Variants in FAR2 observed in about 807,000 individuals in gnomAD.
The protein encoded by FAR2 is fatty acyl-CoA reductase 2.
In FAR2, 19 loss-of-function variants were observed where a neutral mutation model predicts 56.0. The ratio of observed to expected loss-of-function variants is 0.34; its 90% CI spans 0.24 to 0.50. The LOEUF (loss-of-function observed/expected upper bound fraction) is 0.50. Among genes scored for constraint, FAR2 ranks in the 20% least tolerant of loss-of-function variants. The pLI, the probability that FAR2 is intolerant of heterozygous loss-of-function variation, is 0.98. For missense variants in FAR2, 508 were observed against 642.2 expected, an observed-to-expected ratio of 0.79 and a Z score of 2.26; for synonymous variants, 219 against 218.8, an observed-to-expected ratio of 1.00 and a Z score of -0.01.
intron 6 of FAR2, 114 bp from the exon 7 acceptor site, chr12:29,310,914 A>G (rs113573148): frequency 2.6e-6 from 2 of 771,276 alleles, no homozygotes; most frequent in African/African-American, 1.7e-5. Context: ...GCAGTGGATC[A>G]ATGTTAGCTG....
At chr12:29,298,179 T>C (rs1033843110) in intron 4 of FAR2, among the ~76,000 whole-genome samples, 2 of 152,098 alleles carry the variant, frequency 1.3e-5, no homozygotes, top group African/African-American at 4.8e-5. Flanking sequence ...TCTAGGATTT[T>C]TCTCTTCTTG....
chr12:29,185,869 C>T (rs957325353), intron 1 of FAR2, among the ~76,000 whole-genome samples: 15 of 152,114 alleles, frequency 9.9e-5, no homozygotes, highest in Admixed American at 7.9e-4. Flanking sequence ...CCCCATCCTA[C>T]GCGCCAACCT....
intron 1 of FAR2, among the ~76,000 whole-genome samples, chr12:29,190,090 G>A (rs921993832): frequency 3.9e-5 from 6 of 152,292 alleles, no homozygotes; most frequent in Admixed American, 2.0e-4. Flanking sequence ...TAGGGAAGGC[G>A]CAGCTTTGGA....
chr12:29,307,661 G>C lies in FAR2; in HGVS notation c.549G>C (p.Trp183Cys). ...TTCTCTTTACTCTACCTTTTAGGTG[G>C]TTAGACGATGCTATTATTGACGAGA... ...EPKKIIDSLE[W>C]LDDAIIDEIT... The change falls in exon 5 of 12, where the codon TGG (tryptophan) becomes TGC (cysteine). Residue 183 changes from tryptophan (W) to cysteine (C), a missense_variant. By Grantham distance (215) the Trp-to-Cys change is radical. Transcript: ENST00000536681. 5 of 1,608,600 alleles carry C rather than the reference G, an allele frequency of 3.1e-6. No individual in the cohort carries two copies. Among genetic ancestry groups the C allele is most frequent in the Non-Finnish European group, 4.2e-6 (5 of 1,177,892 alleles).
At chr12:29,210,387 C>G (rs1217957950) in intron 1 of FAR2, among the ~76,000 whole-genome samples, 3 of 152,148 alleles carry the variant, frequency 2.0e-5, no homozygotes, top group Non-Finnish European at 4.4e-5. Context: ...TATTTCAAGA[C>G]TGATTTCCAA....
chr12:29,333,629 T>C lies in FAR2; in HGVS notation c.1386-3T>C, dbSNP rs1289447221. On this transcript the variant is annotated splice_polypyrimidine_tract_variant and splice_region_variant and intron_variant, in intron 11 of 11. Coordinates refer to ENST00000536681, the MANE Select transcript of FAR2 (RefSeq NM_001271783.2). ...ACTTTGGTTATGTCTGTCTGTTCCC[T>C]AGGCTCCGAAATATTCACTACCTCT... is the stretch of plus-strand genomic sequence containing the variant. 6.2e-7 allele frequency: 1 copy of C among 1,611,844 alleles called. No individual in the cohort carries two copies. Among genetic ancestry groups the C allele is most frequent in the South Asian group, 1.1e-5 (1 of 90,646 alleles).
intron 4 of FAR2, among the ~76,000 whole-genome samples, chr12:29,300,308 T>A (rs1246721671): frequency 2.0e-5 from 3 of 152,172 alleles, no homozygotes; most frequent in Non-Finnish European, 4.4e-5. Context: ...GTATGTTAAC[T>A]TTTGAATAGC....
chr12:29,302,406 G>T (rs1447287543), intron 4 of FAR2, among the ~76,000 whole-genome samples: 3 of 152,112 alleles, frequency 2.0e-5, no homozygotes, highest in African/African-American at 7.2e-5. Flanking sequence ...AGAAGACTTG[G>T]AAGAGTGGAT....
intron 1 of FAR2, among the ~76,000 whole-genome samples, chr12:29,155,691 TA>T (rs1949720405): frequency 6.6e-6 from 1 of 152,252 alleles, no homozygotes; most frequent in East Asian, 1.9e-4. Flanking sequence ...AATAAAGTTT[TA>T]TCAGAAAACA....
intron 1 of FAR2, among the ~76,000 whole-genome samples, chr12:29,181,942 C>G: frequency 6.6e-6 from 1 of 152,168 alleles, no homozygotes; most frequent in South Asian, 2.1e-4. Flanking sequence ...AGAGGATAGA[C>G]AGATAGATAG....
intron 10 of FAR2, among the ~76,000 whole-genome samples, chr12:29,325,328 T>G (rs1380654981): frequency 6.6e-6 from 1 of 152,124 alleles, no homozygotes; most frequent in Non-Finnish European, 1.5e-5. Context: ...ACTGTCAACA[T>G]TAGACAGATC....
intron 2 of FAR2, among the ~76,000 whole-genome samples, chr12:29,284,991 G>A (rs1335152064): frequency 4.6e-5 from 7 of 151,978 alleles, no homozygotes; most frequent in African/African-American, 1.7e-4. Flanking sequence ...ACAGGCGCCC[G>A]CCACCACGCC....
At position 29,263,284 on chromosome 12, in the gene FAR2, C is replaced by T. The variant is rs535862959; in HGVS notation, c.-38-7128C>T. ...AAAGAAACATTGAACTTAATCTGCA[C>T]TGTAGATCAAATAGTCCTAATAGAT... is the stretch of plus-strand genomic sequence containing the variant. On this transcript the variant is annotated intron_variant, in intron 1 of 11. Transcript: ENST00000536681. Among the ~76,000 whole-genome samples the T allele has an allele frequency of 1.6e-3, 249 of 152,288 alleles. 2 individuals carry two copies. The highest frequency in any genetic ancestry group is 4.9e-3 in the African/African-American group (205 of 41,558).
chr12:29,253,742 G>C (rs1435889464), intron 1 of FAR2, among the ~76,000 whole-genome samples: 1 of 151,974 alleles, frequency 6.6e-6, no homozygotes, highest in Non-Finnish European at 1.5e-5. Flanking sequence ...ATCTTCATAG[G>C]CTAATGCTGT....
intron 1 of FAR2, among the ~76,000 whole-genome samples, chr12:29,256,195 G>GT (rs909662231): frequency 1.1e-4 from 17 of 150,604 alleles, no homozygotes; most frequent in African/African-American, 2.0e-4. Context: ...AATTATTATT[G>GT]TTTTTTTTAA....
At chr12:29,242,359 T>C (rs2136665878) in intron 1 of FAR2, among the ~76,000 whole-genome samples, 1 of 152,352 alleles carries the variant, frequency 6.6e-6, no homozygotes, top group South Asian at 2.1e-4. Flanking sequence ...TGAAATCCTG[T>C]GTTCTCAAGC....
chr12:29,182,602 G>T (rs1027290649), intron 1 of FAR2, among the ~76,000 whole-genome samples: 4 of 152,190 alleles, frequency 2.6e-5, no homozygotes, highest in African/African-American at 9.7e-5. Flanking sequence ...CAACCCAGAA[G>T]TCCAGCTGGC....
At chr12:29,255,347 C>T (rs2136683629) in intron 1 of FAR2, among the ~76,000 whole-genome samples, 1 of 152,298 alleles carries the variant, frequency 6.6e-6, no homozygotes, top group African/African-American at 2.4e-5. Context: ...ATTAGGGACC[C>T]ACCCTGGTGA....
At chr12:29,253,040 A>C (rs1948237946) in intron 1 of FAR2, among the ~76,000 whole-genome samples, 1 of 152,088 alleles carries the variant, frequency 6.6e-6, no homozygotes, top group Non-Finnish European at 1.5e-5. Context: ...AATTATACCA[A>C]CAGATGTCCT....
Sources: gnomAD v4.1 joint callset for allele counts (sites outside exome capture counted in the v4.1 genomes callset) on GRCh38, gnomAD v4.1.1 for gene constraint, MANE v1.5 for transcripts, NCBI Gene and HGNC (gene_info 2026-07-23, HGNC 2026-07-21) for gene names.